The following RBFOX1 variants were observed in gnomAD, a reference collection of about 807,000 sequenced individuals.
RBFOX1 encodes RNA binding protein fox-1 homolog 1.
Under a neutral mutation model 57.7 loss-of-function variants are expected in RBFOX1, and 8 were observed. The ratio of observed to expected loss-of-function variants is 0.14; its 90% CI spans 0.08 to 0.25. The LOEUF is 0.25. Ranked by LOEUF, RBFOX1 falls within the 10% of genes least tolerant of loss-of-function variation. RBFOX1 has a pLI of 1.00. For synonymous variants in RBFOX1, 326 were observed against 222.4 expected, an observed-to-expected ratio of 1.47 and a Z score of -4.15; for missense variants, 611 against 548.5, an observed-to-expected ratio of 1.11 and a Z score of -1.14.
At chr16:7,612,760 G>A (rs1287865518) in intron 10 of RBFOX1, among the ~76,000 whole-genome samples, 2 of 152,158 alleles carry the variant, frequency 1.3e-5, no homozygotes, top group Admixed American at 1.3e-4. Context: ...AAAGTTGTCA[G>A]CACGGGGCTG....
At chr16:6,769,575 T>G (rs1340100118) in intron 3 of RBFOX1, among the ~76,000 whole-genome samples, 1 of 152,244 alleles carries the variant, frequency 6.6e-6, no homozygotes, top group African/African-American at 2.4e-5. Context: ...GTGACAATGC[T>G]GAAACAGCTT....
In RBFOX1 at chr16:6,713,087, C is replaced by A. The variant is rs183855529; in HGVS notation, c.-16+58437C>A. 2.0e-5 allele frequency among the ~76,000 whole-genome samples: 3 copies of A among 152,016 alleles called. No homozygotes were observed. In the East Asian group the frequency reaches 5.8e-4, roughly 29 times the overall value. On this transcript the variant is annotated intron_variant, in intron 3 of 15. Transcript: ENST00000550418. ...CATGTGAAACCATGAGTCTATTAAA[C>A]CTCCTTTCCTTTATAAATTACCCAG...
At chr16:6,741,390 G>A (rs542705354) in intron 3 of RBFOX1, among the ~76,000 whole-genome samples, 1 of 152,148 alleles carries the variant, frequency 6.6e-6, no homozygotes, top group Admixed American at 6.5e-5. Context: ...TGGCTGGACG[G>A]GGTGGCTCAT....
chr16:7,621,920 A>G (rs557826024), intron 10 of RBFOX1, among the ~76,000 whole-genome samples: 2 of 152,352 alleles, frequency 1.3e-5, no homozygotes, highest in South Asian at 2.1e-4. Flanking sequence ...GCCATACACA[A>G]AAATGAATAG....
intron 2 of RBFOX1, among the ~76,000 whole-genome samples, chr16:6,501,368 C>T (rs12921975): frequency 0.23 from 33,978 of 145,924 alleles, 4,622 homozygotes; most frequent in Non-Finnish European, 0.3. Flanking sequence ...TCAATTCCCA[C>T]CTATGAGTGA....
chr16:5,356,277 G>A (rs72777508), intron 1 of RBFOX1, among the ~76,000 whole-genome samples: 2,420 of 152,286 alleles, frequency 0.016, 30 homozygotes, highest in Non-Finnish European at 0.025. Flanking sequence ...GGAATCATCC[G>A]TGATGACACC....
chr16:7,192,800 C>T (rs1165165175), intron 4 of RBFOX1, among the ~76,000 whole-genome samples: 1 of 152,098 alleles, frequency 6.6e-6, no homozygotes, highest in Non-Finnish European at 1.5e-5. Context: ...AAAATAAATA[C>T]AACATTTTTA....
intron 2 of RBFOX1, among the ~76,000 whole-genome samples, chr16:6,394,608 C>T (rs2152939549): frequency 6.6e-6 from 1 of 151,492 alleles, no homozygotes; most frequent in South Asian, 2.1e-4. Flanking sequence ...AAGTAACTTT[C>T]CTGGATAAAC....
chr16:6,235,743 G>T (rs2097501236), intron 1 of RBFOX1, among the ~76,000 whole-genome samples: 1 of 152,116 alleles, frequency 6.6e-6, no homozygotes, highest in Non-Finnish European at 1.5e-5. Flanking sequence ...TACTCTAAGT[G>T]AAGTAACTCA....
intron 2 of RBFOX1, among the ~76,000 whole-genome samples, chr16:6,595,483 C>A (rs542813274): frequency 6.6e-6 from 1 of 152,220 alleles, no homozygotes; most frequent in South Asian, 2.1e-4. Flanking sequence ...GGATTGTTTC[C>A]ACTTTTCAGC....
intron 3 of RBFOX1, among the ~76,000 whole-genome samples, chr16:6,950,484 T>G (rs1484406330): frequency 6.6e-6 from 1 of 152,176 alleles, no homozygotes; most frequent in African/African-American, 2.4e-5. Flanking sequence ...GATAAATGTT[T>G]GATGACCTGA....
At chr16:5,906,726 TC>T (rs148095148) in intron 4 of RBFOX1, among the ~76,000 whole-genome samples, 3 of 132,108 alleles carry the variant, frequency 2.3e-5, no homozygotes, top group African/African-American at 6.1e-5. Context: ...AATCCTAGAT[TC>T]TTTTTTTTTT....
chr16:6,141,408 C>T (rs11865230), intron 1 of RBFOX1, among the ~76,000 whole-genome samples: 11,018 of 152,148 alleles, frequency 0.072, 519 homozygotes, highest in African/African-American at 0.12. Context: ...CTGCTTGTCG[C>T]TTGTCTCCTC....
At chr16:6,161,770 C>G (rs1260935224) in intron 1 of RBFOX1, among the ~76,000 whole-genome samples, 1 of 152,166 alleles carries the variant, frequency 6.6e-6, no homozygotes. Flanking sequence ...CTGTCTTGCT[C>G]CAAGATTGAA....
intron 3 of RBFOX1, among the ~76,000 whole-genome samples, chr16:6,879,540 T>G (rs947160377): frequency 6.6e-6 from 1 of 152,228 alleles, no homozygotes; most frequent in Non-Finnish European, 1.5e-5. Flanking sequence ...TTAATGAGAT[T>G]ATTCACTATA....
chr16:5,600,507 A>AG (rs199551945), downstream of RBFOX1, among the ~76,000 whole-genome samples: 2 of 143,916 alleles, frequency 1.4e-5, no homozygotes. Context: ...AAAAAAAAAA[A>AG]AAGTCTGCTT....
chr16:6,497,348 G>A (rs905451328), intron 2 of RBFOX1, among the ~76,000 whole-genome samples: 5 of 152,126 alleles, frequency 3.3e-5, no homozygotes, highest in Admixed American at 6.5e-5. Context: ...TTGACATGGA[G>A]CTTGATGCCC....
At chr16:6,172,713 G>T (rs986130271) in intron 1 of RBFOX1, among the ~76,000 whole-genome samples, 1 of 152,308 alleles carries the variant, frequency 6.6e-6, no homozygotes, top group Middle Eastern at 3.4e-3. Flanking sequence ...CACACATATA[G>T]AGTACATCAC....
intron 4 of RBFOX1, among the ~76,000 whole-genome samples, chr16:7,115,127 C>G (rs1349071070): frequency 6.6e-6 from 1 of 152,136 alleles, no homozygotes; most frequent in Non-Finnish European, 1.5e-5. Flanking sequence ...GATTAAGTTT[C>G]CAACGTGTAG....
Sources: allele counts gnomAD v4.1 joint callset (sites outside exome capture counted in the v4.1 genomes callset), GRCh38; gene constraint gnomAD v4.1.1; transcripts MANE v1.5; gene names NCBI Gene and HGNC (gene_info 2026-07-23, HGNC 2026-07-21).